Variants in CDYL observed in about 807,000 individuals in gnomAD.
CDYL encodes the protein chromodomain Y-like protein.
A neutral mutation model predicts 47.3 loss-of-function variants in CDYL; 8 were observed. The ratio of observed to expected loss-of-function variants is 0.17; its 90% confidence interval spans 0.10 to 0.31. The LOEUF (loss-of-function observed/expected upper bound fraction) is 0.31. Ranked by LOEUF, CDYL falls within the 10% of genes least tolerant of loss-of-function variation. The pLI is 1.00. For missense variants in CDYL, 471 were observed against 701.4 expected, an observed-to-expected ratio of 0.67 and a Z score of 3.71; for synonymous variants, 266 against 265.0, an observed-to-expected ratio of 1.00 and a Z score of -0.04.
chr6:4,913,680 G>C (rs75050794), intron 2 of CDYL, among the ~76,000 whole-genome samples: 20 of 152,204 alleles, frequency 1.3e-4, no homozygotes, highest in African/African-American at 4.8e-4. Flanking sequence ...AAAGAGGACC[G>C]TCTAGTCTAG....
intron 1 of CDYL, among the ~76,000 whole-genome samples, chr6:4,708,862 T>C (rs1302552987): frequency 6.6e-6 from 1 of 151,922 alleles, no homozygotes; most frequent in Non-Finnish European, 1.5e-5. Flanking sequence ...CTATTAAAAA[T>C]ACAAAAATTG....
chr6:4,860,721 A>G (rs551326672), intron 1 of CDYL, among the ~76,000 whole-genome samples: 2 of 151,808 alleles, frequency 1.3e-5, no homozygotes, highest in South Asian at 4.2e-4. Flanking sequence ...AGTCTGCATG[A>G]GAAGCAAGAA....
chr6:4,911,376 AT>A (rs1757410180), intron 2 of CDYL, among the ~76,000 whole-genome samples: 1 of 152,240 alleles, frequency 6.6e-6, no homozygotes, highest in Admixed American at 6.5e-5. Flanking sequence ...GCTCTCACAC[AT>A]ACATGCGCAC....
At chr6:4,819,921 G>T (rs944252565) in intron 1 of CDYL, among the ~76,000 whole-genome samples, 1 of 152,176 alleles carries the variant, frequency 6.6e-6, no homozygotes, top group Non-Finnish European at 1.5e-5. Context: ...GAAACCCTGT[G>T]TTATGAGAAT....
Position 4,817,490 on chromosome 6 carries a change from A to C in CDYL, c.24+40683A>C, listed in dbSNP as rs559996804. Among the ~76,000 whole-genome samples, 4 of 152,352 alleles carry C rather than the reference A, an allele frequency of 2.6e-5. No individual in the cohort carries two copies. The South Asian group carries it at 8.3e-4, about 32-fold the overall frequency. On this transcript the variant is annotated intron_variant, in intron 1 of 6. Transcript: ENST00000397588. ...CGAGCCACCACTAGACAGTACATTC[A>C]AAACTTAGCTCATTTGATAGAAAAG...
rs944866534 is a variant in CDYL, at chr6:4,711,151, C to G, written c.-38-4590C>G. Among the ~76,000 whole-genome samples the G allele has an allele frequency of 2.6e-5, 4 of 152,292 alleles. 1 individual carries two copies. The East Asian group carries it at 7.7e-4, about 29-fold the overall frequency. Reference sequence around the variant, plus strand: ...ACTTGTCTCTCTAAGATCACAAATACCCTGAGAACAGGGACCATGGCTAAG... The same window carrying G: ...ACTTGTCTCTCTAAGATCACAAATAGCCTGAGAACAGGGACCATGGCTAAG... On this transcript the variant is annotated intron_variant, in intron 1 of 8. Coordinates refer to the CDYL transcript ENST00000328908.
intron 1 of CDYL, among the ~76,000 whole-genome samples, chr6:4,710,534 G>A (rs551423886): frequency 7.3e-6 from 1 of 137,346 alleles, no homozygotes; most frequent in East Asian, 2.6e-4. Context: ...AATTTCACCA[G>A]TTTTATCTCT....
In CDYL at chr6:4,827,577, C is replaced by G. The variant is rs890826920; in HGVS notation, c.24+50770C>G. ...CTGTCTATACAGCTCCATCTGCTCCCTTTATGTTCTTACAAAGTACATATT... is the reference window on the plus strand; with the variant it reads ...CTGTCTATACAGCTCCATCTGCTCCGTTTATGTTCTTACAAAGTACATATT... On this transcript the variant is annotated intron_variant, in intron 1 of 6. Transcript: ENST00000397588. Among the ~76,000 whole-genome samples, 3 of 152,236 alleles carry G rather than the reference C, an allele frequency of 2.0e-5. No homozygotes were observed. The East Asian group carries it at 5.8e-4, about 29-fold the overall frequency.
At chr6:4,834,203 G>A (rs1474219650) in intron 1 of CDYL, among the ~76,000 whole-genome samples, 34 of 151,992 alleles carry the variant, frequency 2.2e-4, no homozygotes, top group African/African-American at 6.0e-4. Flanking sequence ...ATTTTGCAGC[G>A]GCTGGTACCA....
chr6:4,941,284 G>A (rs1021997722), intron 4 of CDYL, among the ~76,000 whole-genome samples: 1 of 152,264 alleles, frequency 6.6e-6, no homozygotes, highest in African/African-American at 2.4e-5. Flanking sequence ...CAGGCTTGAA[G>A]GCAGCCCCTG....
chr6:4,849,507 C>CT (rs2127462650), intron 1 of CDYL, among the ~76,000 whole-genome samples: 1 of 152,242 alleles, frequency 6.6e-6, no homozygotes, highest in Non-Finnish European at 1.5e-5. Context: ...GATTAACAAT[C>CT]TTAAGTCTTT....
At chr6:4,946,657 C>T (rs1758525813) in intron 5 of CDYL, among the ~76,000 whole-genome samples, 1 of 152,170 alleles carries the variant, frequency 6.6e-6, no homozygotes, top group Non-Finnish European at 1.5e-5. Flanking sequence ...TGCCGCGGGC[C>T]CTGCCTGACC....
chr6:4,776,096 G>T (rs1179595143), upstream of CDYL, among the ~76,000 whole-genome samples: 2 of 150,376 alleles, frequency 1.3e-5, no homozygotes, highest in Non-Finnish European at 3.0e-5. Flanking sequence ...CTGGGGGGCG[G>T]TGCCGCGGGC....
In CDYL at chr6:4,806,861, G is replaced by A. The variant is rs142401297; in HGVS notation, c.24+30054G>A. On this transcript the variant is annotated intron_variant, in intron 1 of 6. Coordinates refer to ENST00000397588, the MANE Select transcript of CDYL (RefSeq NM_004824.4). ...TCTGTGTTAGTCTCCTTGGGCAGCC[G>A]TAATAAAATACACAAACCAAGTGGC... Among the ~76,000 whole-genome samples the A allele has an allele frequency of 4.8e-3, 735 of 152,280 alleles. 3 individuals carry two copies. The highest frequency in any genetic ancestry group is 7.9e-3 in the Non-Finnish European group (539 of 68,026).
At chr6:4,880,656 G>C (rs1033661170) in intron 1 of CDYL, among the ~76,000 whole-genome samples, 2 of 152,144 alleles carry the variant, frequency 1.3e-5, no homozygotes, top group Non-Finnish European at 2.9e-5. Context: ...CATCCAACAG[G>C]GAGTGGGCCT....
At chr6:4,800,366 G>A (rs1018346323) in intron 1 of CDYL, among the ~76,000 whole-genome samples, 1 of 152,072 alleles carries the variant, frequency 6.6e-6, no homozygotes, top group Non-Finnish European at 1.5e-5. Context: ...TTTCAATGAT[G>A]TGTTTCCAGT....
intron 1 of CDYL, among the ~76,000 whole-genome samples, chr6:4,785,780 A>G (rs1487590767): frequency 6.6e-6 from 1 of 152,162 alleles, no homozygotes; most frequent in Non-Finnish European, 1.5e-5. Context: ...CTTGACTGGC[A>G]CCTTTAGCAT....
At chr6:4,871,620 CA>C (rs751605883) in intron 1 of CDYL, among the ~76,000 whole-genome samples, 3 of 152,170 alleles carry the variant, frequency 2.0e-5, no homozygotes, top group Non-Finnish European at 4.4e-5. Flanking sequence ...AAGCTAGTGT[CA>C]AACCTGGAGC....
chr6:4,876,677 T>A (rs938401124), intron 1 of CDYL, among the ~76,000 whole-genome samples: 7 of 150,482 alleles, frequency 4.7e-5, no homozygotes, highest in Non-Finnish European at 1.0e-4. Flanking sequence ...TATGTTCAAA[T>A]CTTTGCCAAC....
Sources: gnomAD v4.1 joint callset for allele counts (sites outside exome capture counted in the v4.1 genomes callset) on GRCh38, gnomAD v4.1.1 for gene constraint, MANE v1.5 for transcripts, NCBI Gene and HGNC (gene_info 2026-07-23, HGNC 2026-07-21) for gene names.